The following KPTN variants were observed in gnomAD, a reference collection of about 807,000 sequenced individuals.
The protein encoded by KPTN is kaptin, actin binding protein.
A neutral mutation model predicts 52.6 loss-of-function variants in KPTN; 36 were observed. That is an observed-to-expected ratio of 0.68 (90% CI 0.52 to 0.90). KPTN has a LOEUF of 0.90. Ranked by LOEUF, KPTN falls within the 40% of genes least tolerant of loss-of-function variation. KPTN has a pLI of 0.00. For synonymous variants in KPTN, 271 were observed against 248.4 expected (o/e 1.09, Z -0.85); for missense variants, 529 against 576.2 (o/e 0.92, Z 0.84).
Position 47,483,912 on chromosome 19 carries a change from C to T in KPTN, c.226+23G>A. 1.9e-6 allele frequency: 3 copies of T among 1,613,040 alleles called. No homozygotes were observed. The South Asian group carries it at 3.3e-5, about 18-fold the overall frequency. ...AACACCACGTTCCAGGCCCCCGCCCCCCAGCACCATAGCGCCACCCACCGG... is the reference window on the plus strand; with the variant it reads ...AACACCACGTTCCAGGCCCCCGCCCTCCAGCACCATAGCGCCACCCACCGG... On this transcript the variant is annotated intron_variant, in intron 1 of 11. Coordinates refer to ENST00000338134, the MANE Select transcript of KPTN (RefSeq NM_007059.4).
chr19:47,480,850 C>A lies in KPTN; in HGVS notation c.526-17G>T, dbSNP rs1371151351. ...CCCCTCGTTCTGGGGAAACCAAGAC[C>A]CACCCCACCCCCGCTTAAGTCAGCC... is the stretch of plus-strand genomic sequence containing the variant. On this transcript the variant is annotated splice_polypyrimidine_tract_variant and intron_variant, in intron 5 of 11. Transcript: ENST00000338134. The A allele has an allele frequency of 6.2e-7, 1 of 1,613,764 alleles. No individual in the cohort carries two copies. Among genetic ancestry groups the A allele is most frequent in the Non-Finnish European group, 8.5e-7 (1 of 1,179,802 alleles).
chr19:47,483,732 G>C, intron 1 of KPTN, 148 bp from the exon 2 acceptor site: 2 of 897,728 alleles, frequency 2.2e-6, no homozygotes, highest in Non-Finnish European at 3.4e-6. Context: ...GGGTACTAGG[G>C]ATCCTGACCT....
At position 47,475,551 on chromosome 19, in the gene KPTN, G is replaced by A. The variant is rs757575545; in HGVS notation, c.1183-7C>T. The stretch of plus-strand genomic sequence containing the variant: ...AGGCCTGAATCAGGCTGTGCTGTGG[G>A]GAACAAGAGAATGAGGGGGATGGAG... On this transcript the variant is annotated splice_polypyrimidine_tract_variant and splice_region_variant and intron_variant, in intron 11 of 11. Transcript: ENST00000338134. The A allele has an allele frequency of 1.2e-6, 2 of 1,611,716 alleles. No homozygotes were observed. Among genetic ancestry groups the A allele is most frequent in the Non-Finnish European group, 1.7e-6 (2 of 1,178,250 alleles).
rs779677974 is a variant in KPTN at position 47,484,168 on chromosome 19, A to C, written c.-8T>G. On this transcript the variant is annotated 5_prime_UTR_variant, in exon 1 of 12. Transcript: ENST00000338134. ...GGCCGCCTCCCCCATCATGCCCCTC[A>C]GTTAAGCACCCTCTCCGCAGCCCCC... 7.5e-6 allele frequency: 12 copies of C among 1,589,826 alleles called. No homozygotes were observed. Among genetic ancestry groups the C allele is most frequent in the African/African-American group, 1.3e-5 (1 of 74,160 alleles).
intron 8 of KPTN, among the ~76,000 whole-genome samples, chr19:47,478,529 G>A (rs1472147114): frequency 8.3e-6 from 1 of 120,344 alleles, no homozygotes; most frequent in Non-Finnish European, 1.6e-5. Flanking sequence ...AGTGAGCCGA[G>A]ATTGTGCCAC....
At chr19:47,477,594 G>A (rs1967716175) in intron 9 of KPTN, 112 bp downstream of exon 9, 2 of 779,466 alleles carry the variant, frequency 2.6e-6, no homozygotes, top group Non-Finnish European at 4.5e-6. Context: ...ATCTGTACTT[G>A]TCCAGCTCTG....
Position 47,476,796 on chromosome 19 carries a change from G to T in KPTN, c.999+7C>A. 6.3e-7 allele frequency: 1 copy of T among 1,591,202 alleles called. No homozygotes were observed. Among genetic ancestry groups the T allele is most frequent in the Non-Finnish European group, 8.6e-7 (1 of 1,168,868 alleles). ...CGGTGGGTGTGGCTCCAACTGTCAG[G>T]TCCCACCTGTCCATAGGTGGCCACC... On this transcript the variant is annotated splice_region_variant and intron_variant, in intron 10 of 11. Coordinates refer to ENST00000338134, the MANE Select transcript of KPTN (RefSeq NM_007059.4).
At chr19:47,480,672 G>C in intron 6 of KPTN, 88 bp downstream of exon 6, 1 of 1,234,084 alleles carries the variant, frequency 8.1e-7, no homozygotes, top group South Asian at 1.2e-5. Context: ...GCTCCTCCCC[G>C]GTGACCAATT....
chr19:47,483,908 G>A (rs773935263), intron 1 of KPTN, 27 bp downstream of exon 1: 3 of 1,610,934 alleles, frequency 1.9e-6, no homozygotes, highest in African/African-American at 2.7e-5. Context: ...CCAGGCCCCC[G>A]CCCCCCAGCA....
At position 47,484,065 on chromosome 19, in the gene KPTN, T is replaced by C. The variant is rs752995072; in HGVS notation, c.96A>G (p.Ala32=). The change falls in exon 1 of 12, where the codon GCA becomes GCG. Residue 32 remains alanine, a synonymous_variant. Coordinates refer to ENST00000338134, the MANE Select transcript of KPTN (RefSeq NM_007059.4). ...FSSQSNVYGL[A]GGAGGRGELL... ...GCTCCCCGCGCCCGCCGGCGCCGCC[T>C]GCCAGCCCGTACACATTGCTCTGCG... is the stretch of plus-strand genomic sequence containing the variant. 4 of 1,610,670 alleles carry C rather than the reference T, an allele frequency of 2.5e-6. No homozygotes were observed. The South Asian group carries it at 4.4e-5, about 18-fold the overall frequency.
Position 47,483,147 on chromosome 19 carries a change from C to CA in KPTN, c.449+13dup. ...TTACAGTGGAGTGGGCGTCGATGCG[C>CA]AGGGGACACTCACTCCGCATGGCAC... On this transcript the variant is annotated intron_variant, in intron 4 of 11. Transcript: ENST00000338134. The CA allele has an allele frequency of 6.2e-7, 1 of 1,612,846 alleles. No individual in the cohort carries two copies.
chr19:47,483,750 T>C (rs904522946), intron 1 of KPTN, 166 bp from the exon 2 acceptor site: 3 of 938,080 alleles, frequency 3.2e-6, no homozygotes, highest in Non-Finnish European at 4.8e-6. Flanking sequence ...CCTGTAAGTC[T>C]GAAGAATCCT....
chr19:47,477,031 C>T, intron 9 of KPTN, 93 bp from the exon 10 acceptor site: 4 of 1,312,966 alleles, frequency 3.0e-6, no homozygotes, highest in Non-Finnish European at 4.2e-6. Context: ...TACTGCTTCC[C>T]TTCTCAGGCC....
chr19:47,483,140 C>T (rs1207879057), intron 4 of KPTN, 21 bp downstream of exon 4: 7 of 1,611,958 alleles, frequency 4.3e-6, no homozygotes, highest in Non-Finnish European at 5.1e-6. Flanking sequence ...GAGTGGGCGT[C>T]GATGCGCAGG....
At chr19:47,480,606 G>C in intron 6 of KPTN, 154 bp downstream of exon 6, 1 of 807,142 alleles carries the variant, frequency 1.2e-6, no homozygotes, top group Non-Finnish European at 2.1e-6. Flanking sequence ...GTTTTTTCTG[G>C]GGTCACCCCT....
intron 1 of KPTN, 77 bp downstream of exon 1, chr19:47,483,858 G>T: frequency 1.3e-6 from 2 of 1,578,138 alleles, no homozygotes; most frequent in African/African-American, 2.7e-5. Flanking sequence ...ACGGTGACCC[G>T]GCTCAGACAG....
chr19:47,484,303 C>A (rs750361595), upstream of KPTN: 9 of 1,112,640 alleles, frequency 8.1e-6, no homozygotes, highest in Non-Finnish European at 9.9e-6. Context: ...TTGCCCTCTC[C>A]CAAGATGGCG....
At chr19:47,480,575 C>T (rs1350337516) in intron 6 of KPTN, 168 bp from the exon 7 acceptor site, 4 of 746,828 alleles carry the variant, frequency 5.4e-6, no homozygotes, top group Non-Finnish European at 6.8e-6. Flanking sequence ...TCTCACCACC[C>T]GAGGGCTGAG....
chr19:47,481,852 C>T (rs1333801801), intron 4 of KPTN, among the ~76,000 whole-genome samples: 1 of 152,156 alleles, frequency 6.6e-6, no homozygotes, highest in Admixed American at 6.5e-5. Flanking sequence ...TAGAATGGAA[C>T]CCACACACTT....
Sources: gnomAD v4.1 joint callset for allele counts (sites outside exome capture counted in the v4.1 genomes callset) on GRCh38, gnomAD v4.1.1 for gene constraint, MANE v1.5 for transcripts, NCBI Gene and HGNC (gene_info 2026-07-23, HGNC 2026-07-21) for gene names.